Variants in GGA1 observed in about 807,000 individuals in gnomAD.
GGA1 encodes the protein ADP-ribosylation factor-binding protein GGA1.
In GGA1, 18 loss-of-function variants were observed where a neutral mutation model predicts 76.9. The observed-to-expected ratio is 0.23, with a 90% CI of 0.16 to 0.35. The LOEUF (loss-of-function observed/expected upper bound fraction) is 0.35, where lower values mean the gene tolerates loss of function less well. Among genes scored for constraint, GGA1 ranks in the 10% least tolerant of loss-of-function variants. The probability of loss-of-function intolerance (pLI) is 1.00; values close to 1 mark genes in which losing one functional copy is unlikely to be tolerated. For synonymous variants in GGA1, 342 were observed against 354.7 expected (o/e 0.96, Z 0.40); for missense variants, 755 against 859.0 (o/e 0.88, Z 1.51).
intron 3 of GGA1, chr22:37,617,439 A>G: frequency 9.7e-7 from 1 of 1,032,816 alleles, no homozygotes; most frequent in Non-Finnish European, 1.2e-6. Flanking sequence ...CAGAGGAGAG[A>G]GGGGTGTACT....
chr22:37,626,150 G>A (rs1461782065), intron 11 of GGA1: 9 of 410,180 alleles, frequency 2.2e-5, no homozygotes, highest in Non-Finnish European at 3.9e-5. Context: ...CACGGCCAGA[G>A]GGTGAGGCTG....
intron 1 of GGA1, among the ~76,000 whole-genome samples, chr22:37,611,610 G>C (rs1569196156): frequency 6.6e-6 from 1 of 152,168 alleles, no homozygotes; most frequent in African/African-American, 2.4e-5. Flanking sequence ...CCAGGGCTTT[G>C]GGCCCCCTGC....
At position 37,624,827 on chromosome 22, in the gene GGA1, T is replaced by G. The variant is rs1930517036; in HGVS notation, c.833-142T>G. ...AGGGAGGTGGCGGAGGGCCAGAGTC[T>G]CAGCAGACGAGATGGGCTGTTTCCC... is the stretch of plus-strand genomic sequence containing the variant. On this transcript the variant is annotated intron_variant, in intron 9 of 16. Transcript: ENST00000343632. The surrounding 1 kb of genome is among the most constrained non-coding windows in gnomAD (Gnocchi z 4.3). 3.4e-6 allele frequency: 4 copies of G among 1,166,522 alleles called. No individual in the cohort carries two copies. The highest frequency in any genetic ancestry group is 1.5e-5 in the South Asian group (1 of 67,002). 72.3% of individuals were successfully genotyped at this position (1,166,522 alleles called of 1,614,324 possible).
chr22:37,628,464 G>A (rs1404838580), intron 11 of GGA1, among the ~76,000 whole-genome samples: 1 of 152,176 alleles, frequency 6.6e-6, no homozygotes, highest in East Asian at 1.9e-4. Context: ...CTCTGTCTGA[G>A]TCCAGACTCT....
At chr22:37,629,587 C>A in intron 12 of GGA1, 61 bp downstream of exon 12, 1 of 1,082,236 alleles carries the variant, frequency 9.2e-7, no homozygotes, top group Non-Finnish European at 1.3e-6. Context: ...GCAGCTGGGA[C>A]AAGTGGCCTG....
chr22:37,610,079 G>C (rs1257160051), intron 1 of GGA1: 1 of 152,420 alleles, frequency 6.6e-6, no homozygotes. Flanking sequence ...CAACTGGGCT[G>C]GGGGGATGGG....
At chr22:37,619,772 A>T in intron 4 of GGA1, 1 of 778,106 alleles carries the variant, frequency 1.3e-6, no homozygotes, top group Non-Finnish European at 2.4e-6. Flanking sequence ...TGAATAATCC[A>T]TATGGCCTCC....
At chr22:37,615,593 A>G (rs1424811537) in intron 2 of GGA1, among the ~76,000 whole-genome samples, 1 of 151,016 alleles carries the variant, frequency 6.6e-6, no homozygotes, top group Non-Finnish European at 1.5e-5. Context: ...GTGAAACCCC[A>G]TCTCTACTAA....
Position 37,624,943 on chromosome 22 carries a change from G to C in GGA1, c.833-26G>C. 1 of 1,557,692 alleles carries C rather than the reference G, an allele frequency of 6.4e-7. No homozygotes were observed. The highest frequency in any genetic ancestry group is 8.7e-7 in the Non-Finnish European group (1 of 1,150,824). On this transcript the variant is annotated intron_variant, in intron 9 of 16. Coordinates refer to ENST00000343632, the MANE Select transcript of GGA1 (RefSeq NM_013365.5). This position sits in a 1 kb window ranked among gnomAD's most constrained non-coding sequence, Gnocchi z 4.3. The stretch of plus-strand genomic sequence containing the variant: ...AGAGGCCCCCACAGTCCTTCAGCCT[G>C]GCCTCTCCCCTCCTGCCTGTTCCAG...
intron 2 of GGA1, among the ~76,000 whole-genome samples, chr22:37,614,668 C>A (rs554919333): frequency 6.6e-6 from 1 of 152,330 alleles, no homozygotes; most frequent in Non-Finnish European, 1.5e-5. Flanking sequence ...CGAACCAGAA[C>A]TACCTGTGTT....
intron 1 of GGA1, chr22:37,609,326 T>A: frequency 9.1e-7 from 1 of 1,101,544 alleles, no homozygotes; most frequent in Non-Finnish European, 1.1e-6. Context: ...AATCCTCCAC[T>A]CTCTGGCCCT....
Position 37,629,542 on chromosome 22 carries a change from A to C in GGA1, c.1158+16A>C. 6.5e-7 allele frequency: 1 copy of C among 1,533,586 alleles called. No homozygotes were observed. Among genetic ancestry groups the C allele is most frequent in the Non-Finnish European group, 8.9e-7 (1 of 1,129,506 alleles). 95.0% of individuals were successfully genotyped at this position (1,533,586 alleles called of 1,614,324 possible). ...CAGCTTCCAGGTAGGAGGGGACCAC[A>C]AACTAGTCTGGCCTGTCCCAGTCCC... On this transcript the variant is annotated intron_variant, in intron 12 of 16. Transcript: ENST00000343632.
intron 11 of GGA1, chr22:37,626,453 G>A (rs898862878): frequency 1.3e-5 from 2 of 152,276 alleles, no homozygotes; most frequent in Admixed American, 6.5e-5. Flanking sequence ...GCCCAGCAGG[G>A]GCCAGGCTTC....
intron 1 of GGA1, chr22:37,612,641 GC>G (rs1927934826): frequency 6.6e-6 from 1 of 151,000 alleles, no homozygotes; most frequent in Non-Finnish European, 1.5e-5. Context: ...GGGCGTGGTG[GC>G]GGGTGCCTGT....
Position 37,632,559 on chromosome 22 carries a change from TCTC to T in GGA1, c.1810-35_1810-33del, listed in dbSNP as rs753074341. 1.3e-5 allele frequency: 21 copies of T among 1,582,600 alleles called. No homozygotes were observed. Among genetic ancestry groups the T allele is most frequent in the East Asian group, 4.5e-5 (2 of 44,694 alleles). On this transcript the variant is annotated intron_variant, in intron 16 of 16. Transcript: ENST00000343632. The surrounding 1 kb of genome is among the most constrained non-coding windows in gnomAD (Gnocchi z 5.1). ...GTGCTGCAGGGTGGGGACGGCCACT[TCTC>T]CTCCTCTGACCCCTCTGCCTTTGCC... is the stretch of plus-strand genomic sequence containing the variant.
chr22:37,624,792 A>G lies in GGA1; in HGVS notation c.833-177A>G. 5.2e-6 allele frequency: 4 copies of G among 770,242 alleles called. No homozygotes were observed. The highest frequency in any genetic ancestry group is 4.1e-6 in the Non-Finnish European group (2 of 491,890). The allele number at this position is 770,242 out of a possible 1,614,324, so 47.7% of individuals were successfully genotyped here. A position where few individuals can be genotyped will look rare whatever the true frequency, so the allele number is the denominator to read the frequency against. ...AGGGAGTGAATGAGGGAAGGGTGGGAGGTGAGACCAGGGAGGTGGCGGAGG... is the reference window on the plus strand; with the variant it reads ...AGGGAGTGAATGAGGGAAGGGTGGGGGGTGAGACCAGGGAGGTGGCGGAGG... On this transcript the variant is annotated intron_variant, in intron 9 of 16. Transcript: ENST00000343632. The surrounding 1 kb of genome is among the most constrained non-coding windows in gnomAD (Gnocchi z 4.3).
chr22:37,630,577 CTTTTTT>C, intron 13 of GGA1: 1 of 447,156 alleles, frequency 2.2e-6, no homozygotes, highest in Non-Finnish European at 4.0e-6. Flanking sequence ...ATCACTTTTT[CTTTTTT>C]TGAGAGGGAG....
chr22:37,615,183 C>T lies in GGA1; in HGVS notation c.128+909C>T, dbSNP rs546664640. Among the ~76,000 whole-genome samples the T allele has an allele frequency of 1.1e-4, 16 of 151,032 alleles. No individual in the cohort carries two copies. The South Asian group carries it at 3.2e-3, about 30-fold the overall frequency. ...AAAATAGGCCAGGCATGGTGGCTCA[C>T]GCCTGTAATCCCAGCACTTTGGGAG... is the stretch of plus-strand genomic sequence containing the variant. On this transcript the variant is annotated intron_variant, in intron 2 of 16. Coordinates refer to ENST00000343632, the MANE Select transcript of GGA1 (RefSeq NM_013365.5).
At chr22:37,616,298 T>A (rs1928781553) in intron 2 of GGA1, among the ~76,000 whole-genome samples, 1 of 152,176 alleles carries the variant, frequency 6.6e-6, no homozygotes, top group South Asian at 2.1e-4. Flanking sequence ...TGAGTGTCAG[T>A]TTCTTCACAG....
Sources: gnomAD v4.1 joint callset for allele counts (sites outside exome capture counted in the v4.1 genomes callset) on GRCh38, gnomAD v4.1.1 for gene constraint, Gnocchi (gnomAD v3.1) non-coding constraint, MANE v1.5 for transcripts, NCBI Gene and HGNC (gene_info 2026-07-23, HGNC 2026-07-21) for gene names.